The following FTO variants were observed in gnomAD, a reference collection of about 807,000 sequenced individuals.
FTO encodes the protein alpha-ketoglutarate-dependent dioxygenase FTO.
A neutral mutation model predicts 63.9 loss-of-function variants in FTO; 47 were observed. That is an observed-to-expected ratio of 0.74 (90% CI 0.58 to 0.94). FTO has a LOEUF of 0.94. Ranked by LOEUF, FTO falls within the 40% of genes least tolerant of loss-of-function variation. FTO has a pLI of 0.00. For synonymous variants in FTO, 207 were observed against 224.4 expected, an observed-to-expected ratio of 0.92 and a Z score of 0.69; for missense variants, 562 against 618.1, an observed-to-expected ratio of 0.91 and a Z score of 0.96.
rs1300757658 is a variant in FTO at position 54,112,928 on chromosome 16, AAG to A, written c.*1020_*1021del. ...GATGACATTGGAGACTCAAAGAGAC[AAG>A]AGAGAGTAGGGTTTAAAACCTGAGC... is the stretch of plus-strand genomic sequence containing the variant. On this transcript the variant is annotated 3_prime_UTR_variant, in exon 9 of 9. Coordinates refer to ENST00000471389, the MANE Select transcript of FTO (RefSeq NM_001080432.3). 3 of 152,180 alleles carry A rather than the reference AAG, an allele frequency of 2.0e-5. No individual in the cohort carries two copies. Among genetic ancestry groups the A allele is most frequent in the Non-Finnish European group, 4.4e-5 (3 of 68,030 alleles). 9.4% of individuals were successfully genotyped at this position (152,180 alleles called of 1,614,324 possible).
chr16:53,895,512 G>C (rs950715368), intron 7 of FTO, among the ~76,000 whole-genome samples: 4 of 152,222 alleles, frequency 2.6e-5, no homozygotes, highest in Non-Finnish European at 5.9e-5. Context: ...TTCACACACA[G>C]ATACTGTGCA....
chr16:53,926,643 G>A (rs1205264512), intron 7 of FTO, among the ~76,000 whole-genome samples: 1 of 152,204 alleles, frequency 6.6e-6, no homozygotes, highest in African/African-American at 2.4e-5. Context: ...TCACAGAGGA[G>A]GTGTTTTTGA....
intron 8 of FTO, among the ~76,000 whole-genome samples, chr16:53,970,300 A>G (rs2083286608): frequency 6.6e-6 from 1 of 152,090 alleles, no homozygotes; most frequent in Non-Finnish European, 1.5e-5. Flanking sequence ...TGGGTGAAAA[A>G]CAACAGGGGC....
intron 1 of FTO, among the ~76,000 whole-genome samples, chr16:53,801,850 C>T (rs2078237482): frequency 6.6e-6 from 1 of 152,054 alleles, no homozygotes; most frequent in African/African-American, 2.4e-5. Flanking sequence ...ACCTCCACCT[C>T]CCAGGTTCAA....
At chr16:53,864,594 C>A (rs9933889) in intron 4 of FTO, among the ~76,000 whole-genome samples, 1 of 152,150 alleles carries the variant, frequency 6.6e-6, no homozygotes, top group Admixed American at 6.5e-5. Context: ...AGAGTGAGAG[C>A]GTCTTTTCTT....
At chr16:54,087,012 T>G (rs1332527897) in intron 8 of FTO, among the ~76,000 whole-genome samples, 3 of 152,196 alleles carry the variant, frequency 2.0e-5, no homozygotes, top group African/African-American at 4.8e-5. Flanking sequence ...TGCTGGGTGC[T>G]CTGTAGCTGA....
intron 2 of FTO, among the ~76,000 whole-genome samples, chr16:53,814,109 G>C (rs920489676): frequency 6.6e-6 from 1 of 152,134 alleles, no homozygotes; most frequent in Non-Finnish European, 1.5e-5. Flanking sequence ...CCACCTCTTG[G>C]TCTACCATGC....
chr16:53,838,226 G>T (rs1484463829), intron 3 of FTO, among the ~76,000 whole-genome samples: 1 of 152,188 alleles, frequency 6.6e-6, no homozygotes, highest in East Asian at 1.9e-4. Context: ...CCTGCCTCAA[G>T]ATCTGTGACA....
At chr16:53,815,856 C>T (rs1253597571) in intron 2 of FTO, among the ~76,000 whole-genome samples, 2 of 147,096 alleles carry the variant, frequency 1.4e-5, no homozygotes, top group Non-Finnish European at 2.9e-5. Flanking sequence ...GCCTTGTTGG[C>T]CAGGCTGGTC....
intron 7 of FTO, among the ~76,000 whole-genome samples, chr16:53,921,181 T>C (rs2081998733): frequency 6.6e-6 from 1 of 152,240 alleles, no homozygotes; most frequent in Non-Finnish European, 1.5e-5. Flanking sequence ...GGGACTGAGC[T>C]GTCAGCTGGA....
intron 1 of FTO, among the ~76,000 whole-genome samples, chr16:53,756,721 C>T (rs1336292414): frequency 6.6e-6 from 1 of 152,218 alleles, no homozygotes; most frequent in Admixed American, 6.5e-5. Flanking sequence ...GAGAGGTTTT[C>T]TGTGCAGTGT....
chr16:54,075,401 C>A (rs2085969595), intron 8 of FTO, among the ~76,000 whole-genome samples: 1 of 152,186 alleles, frequency 6.6e-6, no homozygotes. Context: ...ACGCTACCAG[C>A]ATTTTATTAC....
At chr16:53,938,652 A>G (rs2082448355) in intron 8 of FTO, among the ~76,000 whole-genome samples, 2 of 152,218 alleles carry the variant, frequency 1.3e-5, no homozygotes, top group African/African-American at 4.8e-5. Context: ...GAGAATGTAG[A>G]AAGTTCCTAG....
At chr16:53,966,853 C>T (rs573160452) in intron 8 of FTO, among the ~76,000 whole-genome samples, 1 of 152,286 alleles carries the variant, frequency 6.6e-6, no homozygotes, top group South Asian at 2.1e-4. Flanking sequence ...TGAGCTAAAC[C>T]CTTCCCCGAA....
intron 8 of FTO, among the ~76,000 whole-genome samples, chr16:54,012,129 A>G (rs2144083358): frequency 6.6e-6 from 1 of 152,372 alleles, no homozygotes; most frequent in South Asian, 2.1e-4. Flanking sequence ...TTGTGAATGC[A>G]GAGAGAAAGA....
intron 7 of FTO, among the ~76,000 whole-genome samples, chr16:53,898,788 G>T (rs566704405): frequency 6.6e-6 from 1 of 152,062 alleles, no homozygotes; most frequent in African/African-American, 2.4e-5. Flanking sequence ...CAAGTGATTT[G>T]CCCACCTCAG....
intron 8 of FTO, among the ~76,000 whole-genome samples, chr16:53,953,066 T>G (rs2082835999): frequency 6.6e-6 from 1 of 152,030 alleles, no homozygotes; most frequent in Non-Finnish European, 1.5e-5. Flanking sequence ...GGGCCTAGAG[T>G]CATCATGAAC....
chr16:53,991,494 C>G (rs570946279), intron 8 of FTO: 64 of 152,266 alleles, frequency 4.2e-4, no homozygotes, highest in African/African-American at 1.5e-3. Context: ...GAAGTGGACC[C>G]AGCACCACTG....
At chr16:53,727,444 CT>C (rs1018064604) in intron 1 of FTO, among the ~76,000 whole-genome samples, 44 of 152,308 alleles carry the variant, frequency 2.9e-4, no homozygotes, top group African/African-American at 9.9e-4. Flanking sequence ...ATTTAAGACT[CT>C]TTTTTCCACA....
Sources: gnomAD v4.1 joint callset for allele counts (sites outside exome capture counted in the v4.1 genomes callset) on GRCh38, gnomAD v4.1.1 for gene constraint, MANE v1.5 for transcripts, NCBI Gene and HGNC (gene_info 2026-07-23, HGNC 2026-07-21) for gene names.